PCYT1A: variants seen among roughly 807,000 people sequenced by gnomAD.
PCYT1A encodes phosphate cytidylyltransferase 1A, choline, also known as choline-phosphate cytidylyltransferase A.
PCYT1A carries 25 observed loss-of-function variants against 43.7 expected under a neutral mutation model. The observed-to-expected ratio is 0.57, with a 90% CI of 0.42 to 0.80. The LOEUF is 0.80. PCYT1A is among the 30% of genes least tolerant of loss of function. The probability of loss-of-function intolerance (pLI) is 0.00; values close to 1 mark genes in which losing one functional copy is unlikely to be tolerated. For missense variants in PCYT1A, 421 were observed against 474.2 expected (o/e 0.89, Z 1.04); for synonymous variants, 172 against 170.7 (o/e 1.01, Z -0.06).
intron 1 of PCYT1A, among the ~76,000 whole-genome samples, chr3:196,286,869 G>A (rs537256009): frequency 3.5e-4 from 54 of 152,238 alleles, no homozygotes; most frequent in Non-Finnish European, 6.6e-4. Context: ...AGCTGAGATC[G>A]CGCCACTGCG....
rs1227362846 is a variant in PCYT1A at position 196,277,005 on chromosome 3, G to A, written c.-10-6464C>T. Among the ~76,000 whole-genome samples the A allele has an allele frequency of 1.3e-5, 2 of 151,756 alleles. No homozygotes were observed. Among genetic ancestry groups the A allele is most frequent in the Admixed American group, 6.6e-5 (1 of 15,222 alleles). ...GGCACTTTGAGAGGCCAAGGCAGGC[G>A]AATCACCTGAGGTCTGGAGTTCAAG... On this transcript the variant is annotated intron_variant, in intron 1 of 8. Coordinates refer to ENST00000431016, the MANE Select transcript of PCYT1A (RefSeq NM_001312673.2). This position sits in a 1 kb window ranked among gnomAD's most constrained non-coding sequence, Gnocchi z 4.1.
chr3:196,251,956 C>A (rs1262169014), intron 3 of PCYT1A, among the ~76,000 whole-genome samples: 2 of 152,214 alleles, frequency 1.3e-5, no homozygotes, highest in Non-Finnish European at 2.9e-5. Context: ...GTCACCCTGG[C>A]TGGAGTGCAG....
chr3:196,280,855 G>A (rs537301640), intron 1 of PCYT1A, among the ~76,000 whole-genome samples: 2 of 152,188 alleles, frequency 1.3e-5, no homozygotes, highest in African/African-American at 4.8e-5. Context: ...TTCTGACCGT[G>A]GCTGACTGTG....
chr3:196,285,374 G>T (rs1409361107), intron 1 of PCYT1A, among the ~76,000 whole-genome samples: 1 of 152,146 alleles, frequency 6.6e-6, no homozygotes, highest in Non-Finnish European at 1.5e-5. Context: ...TAGGAGAATC[G>T]CTTTGAACCA....
At chr3:196,260,745 G>C (rs754916621) in intron 2 of PCYT1A, among the ~76,000 whole-genome samples, 5 of 152,180 alleles carry the variant, frequency 3.3e-5, no homozygotes, top group Non-Finnish European at 7.3e-5. Flanking sequence ...GGGAGGCTGA[G>C]GCAGAAGAAT....
chr3:196,260,804 C>T (rs748263538), intron 2 of PCYT1A, among the ~76,000 whole-genome samples: 7 of 152,034 alleles, frequency 4.6e-5, no homozygotes, highest in Non-Finnish European at 5.9e-5. Flanking sequence ...ATTGTGCTAC[C>T]GTACTCGTCT....
rs901789353 is a variant in PCYT1A, at chr3:196,241,434, C to T, written c.708+514G>A. ...AACTCCTGGCCTCAAGCAGTCCTCC[C>T]GCCTCAGCCTCCCAAAGTACAGGCA... is the stretch of plus-strand genomic sequence containing the variant. On this transcript the variant is annotated intron_variant, in intron 7 of 8. Coordinates refer to ENST00000431016, the MANE Select transcript of PCYT1A (RefSeq NM_001312673.2). 3.1e-5 allele frequency: 33 copies of T among 1,073,928 alleles called. 1 individual carries two copies. The highest frequency in any genetic ancestry group is 2.8e-4 in the South Asian group (21 of 74,100). 66.5% of individuals were successfully genotyped at this position (1,073,928 alleles called of 1,614,324 possible). A position where few individuals can be genotyped will look rare whatever the true frequency, so the allele number is the denominator to read the frequency against.
intron 3 of PCYT1A, chr3:196,251,581 G>A (rs943774307): frequency 1.3e-5 from 2 of 152,474 alleles, no homozygotes; most frequent in African/African-American, 4.8e-5. Flanking sequence ...AAAGACAAAC[G>A]ACAAATGCTT....
At chr3:196,250,414 G>A (rs1247749913) in intron 3 of PCYT1A, 1 of 183,432 alleles carries the variant, frequency 5.5e-6, no homozygotes, top group Non-Finnish European at 1.1e-5. Context: ...TGCTGAGGCT[G>A]AGGATCAGAT....
chr3:196,278,607 C>T (rs1725661474), intron 1 of PCYT1A, among the ~76,000 whole-genome samples: 1 of 152,148 alleles, frequency 6.6e-6, no homozygotes, highest in African/African-American at 2.4e-5. Context: ...TAGAGAACCT[C>T]CCTCAAGAGC....
At chr3:196,244,232 T>G (rs1387824082) in intron 5 of PCYT1A, among the ~76,000 whole-genome samples, 2 of 140,614 alleles carry the variant, frequency 1.4e-5, no homozygotes, top group African/African-American at 5.4e-5. Context: ...CACGACCCCG[T>G]CTGGGATGTG....
chr3:196,262,348 T>C (rs1391507915), intron 2 of PCYT1A, among the ~76,000 whole-genome samples: 4 of 152,234 alleles, frequency 2.6e-5, no homozygotes, highest in Admixed American at 6.5e-5. Flanking sequence ...ACAAGTTTAC[T>C]ATGAGGATTA....
chr3:196,279,528 C>T (rs1056601791), intron 1 of PCYT1A, among the ~76,000 whole-genome samples: 25 of 152,238 alleles, frequency 1.6e-4, no homozygotes, highest in Admixed American at 1.4e-3. Flanking sequence ...ATTTTTACTC[C>T]GACTCACAAA....
At chr3:196,280,570 G>GTTTTTTTTTTTTTTTTTTTTTTGTATTTT in intron 1 of PCYT1A, among the ~76,000 whole-genome samples, 1 of 91,344 alleles carries the variant, frequency 1.1e-5, no homozygotes, top group Non-Finnish European at 2.1e-5. Flanking sequence ...TATTTTTATT[G>GTTTTTTTTTTTTTTTTTTTTTTGTATTTT]TTTTTTTTTT....
intron 3 of PCYT1A, among the ~76,000 whole-genome samples, chr3:196,250,214 G>A (rs955824142): frequency 3.7e-4 from 43 of 117,464 alleles, no homozygotes; most frequent in East Asian, 8.7e-4. Flanking sequence ...AGAGGACCAG[G>A]TACACCATGC....
intron 5 of PCYT1A, among the ~76,000 whole-genome samples, chr3:196,244,968 C>A (rs533308518): frequency 4.0e-4 from 61 of 152,252 alleles, no homozygotes; most frequent in African/African-American, 1.1e-3. Flanking sequence ...GGCCGCAGGG[C>A]CCTCTGCCTA....
Position 196,284,574 on chromosome 3 carries a change from C to T in PCYT1A, c.-11+3041G>A, listed in dbSNP as rs145608638. On this transcript the variant is annotated intron_variant, in intron 1 of 8. Coordinates refer to ENST00000431016, the MANE Select transcript of PCYT1A (RefSeq NM_001312673.2). ...CATCGGAGAAAGTCACCAGGGACTG[C>T]TAAGTCCAGGCTCTATCTGACGAGG... is the stretch of plus-strand genomic sequence containing the variant. 4.3e-4 allele frequency among the ~76,000 whole-genome samples: 66 copies of T among 152,278 alleles called. 1 individual carries two copies. In the East Asian group the frequency reaches 0.012, roughly 27 times the overall value.
In PCYT1A at chr3:196,234,831, C is replaced by CT. The variant is rs1276559452; in HGVS notation, c.*3856dup. On this transcript the variant is annotated 3_prime_UTR_variant, in exon 9 of 9. Transcript: ENST00000431016. ...ACTTATTTACTTGGAAAAATAGAAG[C>CT]TAGGGACCACTCTTTATCCGATGGC... 5.3e-5 allele frequency: 8 copies of CT among 152,168 alleles called. No individual in the cohort carries two copies. The highest frequency in any genetic ancestry group is 6.5e-5 in the Admixed American group (1 of 15,280). 9.4% of individuals were successfully genotyped at this position (152,168 alleles called of 1,614,324 possible).
At position 196,280,043 on chromosome 3, in the gene PCYT1A, C is replaced by T. The variant is rs60711774; in HGVS notation, c.-11+7572G>A. On this transcript the variant is annotated intron_variant, in intron 1 of 8. Coordinates refer to ENST00000431016, the MANE Select transcript of PCYT1A (RefSeq NM_001312673.2). ...GAGATGGGGTTTCTCCATGTTGAGGCTGGTCTTGAACTCCTGACCTCAGGT... is the reference window on the plus strand; with the variant it reads ...GAGATGGGGTTTCTCCATGTTGAGGTTGGTCTTGAACTCCTGACCTCAGGT... 8.1e-3 allele frequency among the ~76,000 whole-genome samples: 1,224 copies of T among 152,018 alleles called. 15 individuals are homozygous for T. Among genetic ancestry groups the T allele is most frequent in the African/African-American group, 0.027 (1,135 of 41,472 alleles).
Sources: allele counts gnomAD v4.1 joint callset (sites outside exome capture counted in the v4.1 genomes callset), GRCh38; gene constraint gnomAD v4.1.1; non-coding constraint Gnocchi (gnomAD v3.1); transcripts MANE v1.5; gene names NCBI Gene and HGNC (gene_info 2026-07-23, HGNC 2026-07-21).